The following GTPBP6 variants were observed in gnomAD, a reference collection of about 807,000 sequenced individuals.
The protein encoded by GTPBP6 is putative GTP-binding protein 6.
Under a neutral mutation model 28.9 loss-of-function variants are expected in GTPBP6, and 33 were observed. That is an observed-to-expected ratio of 1.14 (90% CI 0.87 to 1.53). The LOEUF (loss-of-function observed/expected upper bound fraction) is 1.53. GTPBP6 is among the 40% of genes most tolerant of loss of function. The pLI is 0.00. For synonymous variants in GTPBP6, 231 were observed against 192.7 expected (o/e 1.20, Z -1.65); for missense variants, 507 against 408.3 (o/e 1.24, Z -2.08).
At chrX:318,341 C>A in intron 1 of GTPBP6, 98 bp downstream of exon 1, 1 of 396,304 alleles carries the variant, frequency 2.5e-6, no homozygotes, top group East Asian at 3.6e-5. Context: ...CCTTCAGAGC[C>A]CCGCCCCTGA....
At position 304,923 on chromosome X, in the gene GTPBP6, A is replaced by G. The variant is rs2070121219; in HGVS notation, c.*151T>C. ...GGCCGTGTCACCGGCCTGCACGGTC[A>G]TCCCAGCAAATGGCTGGGAGCGAGA... is the stretch of plus-strand genomic sequence containing the variant. On this transcript the variant is annotated 3_prime_UTR_variant, in exon 10 of 10. Coordinates refer to ENST00000326153, the Ensembl canonical transcript of GTPBP6. The G allele has an allele frequency of 2.1e-6, 3 of 1,460,756 alleles. No individual in the cohort carries two copies. The East Asian group carries it at 7.5e-5, about 36-fold the overall frequency. 90.5% of individuals were successfully genotyped at this position (1,460,756 alleles called of 1,614,324 possible). A position where few individuals can be genotyped will look rare whatever the true frequency, so the allele number is the denominator to read the frequency against.
exon 9 of GTPBP6, chrX:307,471 A>G (rs767903804): frequency 6.2e-7 from 1 of 1,607,650 alleles, no homozygotes; most frequent in Non-Finnish European, 8.5e-7. Flanking sequence ...GTGGCCCCGC[A>G]GGGCAGACAC....
intron 1 of GTPBP6, among the ~76,000 whole-genome samples, chrX:317,384 G>C (rs1422428495): frequency 1.3e-5 from 2 of 152,076 alleles, no homozygotes; most frequent in Non-Finnish European, 2.9e-5. Context: ...AGAGGCAAGA[G>C]GTCTGCGCGC....
chrX:307,755 G>C, exon 8 of GTPBP6: 1 of 1,508,764 alleles, frequency 6.6e-7, no homozygotes, highest in Non-Finnish European at 8.9e-7. Context: ...CCACCTTGTT[G>C]TGAACCTCCA....
At chrX:306,383 C>T (rs749753075) in intron 9 of GTPBP6, among the ~76,000 whole-genome samples, 1 of 147,282 alleles carries the variant, frequency 6.8e-6, no homozygotes, top group Non-Finnish European at 1.5e-5. Flanking sequence ...CTGTCAAGCA[C>T]AGATTAGGCA....
chrX:314,184 G>A (rs1602973954), exon 5 of GTPBP6: 1 of 1,613,346 alleles, frequency 6.2e-7, no homozygotes, highest in Non-Finnish European at 8.5e-7. Context: ...CGACTCCTCG[G>A]TACAGGTGGG....
intron 2 of GTPBP6, 26 bp from the exon 3 acceptor site, chrX:315,325 G>C (rs1298231765): frequency 5.3e-5 from 21 of 398,410 alleles, no homozygotes; most frequent in African/African-American, 3.5e-4. Flanking sequence ...GGTCCCGTCA[G>C]AGGCTGGCCG....
chrX:304,993 A>G, exon 10 of GTPBP6: 2 of 1,564,402 alleles, frequency 1.3e-6, no homozygotes, highest in Non-Finnish European at 1.7e-6. Context: ...ACCTGACACC[A>G]AGCTGCCCCC....
Position 307,108 on chromosome X carries a change from C to T in GTPBP6, c.1427+252G>A, listed in dbSNP as rs113096549. Reference sequence around the variant, plus strand: ...ATGCAGTCAGAAATGTACATTTTGACTGTCAGCACAGATTAGGCACCTGTT... The same window carrying T: ...ATGCAGTCAGAAATGTACATTTTGATTGTCAGCACAGATTAGGCACCTGTT... On this transcript the variant is annotated intron_variant, in intron 9 of 9. Transcript: ENST00000326153. Among the ~76,000 whole-genome samples, 5 of 150,574 alleles carry T rather than the reference C, an allele frequency of 3.3e-5. No individual in the cohort carries two copies. In the East Asian group the frequency reaches 7.8e-4, roughly 24 times the overall value.
chrX:315,380 G>A (rs1460915341), intron 2 of GTPBP6, 81 bp from the exon 3 acceptor site: 2 of 398,394 alleles, frequency 5.0e-6, no homozygotes, highest in African/African-American at 2.1e-5. Flanking sequence ...ACCCTTTGTG[G>A]GATGCACCGC....
intron 1 of GTPBP6, 74 bp from the exon 2 acceptor site, chrX:317,125 T>G (rs1197845016): frequency 0.27 from 106,700 of 397,110 alleles, 15,999 homozygotes; most frequent in East Asian, 0.33. Context: ...CGGGGAGGCC[T>G]CCTCCTGCCC....
intron 2 of GTPBP6, among the ~76,000 whole-genome samples, chrX:315,586 AG>A (rs1323522496): frequency 4.2e-5 from 3 of 70,666 alleles, no homozygotes; most frequent in South Asian, 3.9e-4. Context: ...ACACACACAC[AG>A]TAAATACATC....
At chrX:304,876 C>T (rs1017820912) in exon 10 of GTPBP6, 31 of 1,435,098 alleles carry the variant, frequency 2.2e-5, no homozygotes, top group Middle Eastern at 2.6e-4. Flanking sequence ...GACGCTCGGG[C>T]GGCCCGCTTT....
At chrX:306,852 C>T (rs58187764) in intron 9 of GTPBP6, among the ~76,000 whole-genome samples, 1 of 144,558 alleles carries the variant, frequency 6.9e-6, no homozygotes, top group Non-Finnish European at 1.5e-5. Context: ...AGTGTCAGCA[C>T]AGATTAGGCA....
exon 1 of GTPBP6, chrX:318,682 G>C: frequency 2.6e-6 from 1 of 386,302 alleles, no homozygotes; most frequent in Non-Finnish European, 4.6e-6. Context: ...ACAGCGGCTA[G>C]CGCGCGCGCG....
chrX:317,868 G>A (rs1341904054), intron 1 of GTPBP6, among the ~76,000 whole-genome samples: 2 of 69,554 alleles, frequency 2.9e-5, no homozygotes, highest in African/African-American at 1.1e-4. Context: ...TTCCCCATAA[G>A]CCCCGCCCTT....
intron 2 of GTPBP6, among the ~76,000 whole-genome samples, chrX:316,518 G>T (rs1479881536): frequency 6.6e-6 from 1 of 152,172 alleles, no homozygotes; most frequent in African/African-American, 2.4e-5. Context: ...TCAGAAACCT[G>T]GGAAGCGCAA....
chrX:306,948 ACTGT>A (rs1442286439), intron 9 of GTPBP6, among the ~76,000 whole-genome samples: 1 of 142,180 alleles, frequency 7.0e-6, no homozygotes, highest in Non-Finnish European at 1.5e-5. Flanking sequence ...GTACATTTTG[ACTGT>A]CAGCACAGAT....
At chrX:314,528 A>G (rs1438754093) in intron 4 of GTPBP6, among the ~76,000 whole-genome samples, 4 of 150,694 alleles carry the variant, frequency 2.7e-5, no homozygotes, top group African/African-American at 7.3e-5. Flanking sequence ...GCTGGAGTGC[A>G]GTGGCGTGAT....
Sources: gnomAD v4.1 joint callset for allele counts (sites outside exome capture counted in the v4.1 genomes callset) on GRCh38, gnomAD v4.1.1 for gene constraint, MANE v1.5 for transcripts, NCBI Gene and HGNC (gene_info 2026-07-23, HGNC 2026-07-21) for gene names.